The following DPY19L4 variants were observed in gnomAD, a reference collection of about 807,000 sequenced individuals.
The protein encoded by DPY19L4 is dpy-19 like 4.
A neutral mutation model predicts 102.8 loss-of-function variants in DPY19L4; 97 were observed. The ratio of observed to expected loss-of-function variants is 0.94; its 90% CI spans 0.80 to 1.12. The LOEUF (loss-of-function observed/expected upper bound fraction) is 1.12. Ranked by LOEUF, DPY19L4 falls within the 50% of genes most tolerant of loss-of-function variation. DPY19L4 has a pLI of 0.00. For synonymous variants in DPY19L4, 252 were observed against 283.1 expected, an observed-to-expected ratio of 0.89 and a Z score of 1.10; for missense variants, 815 against 850.4, an observed-to-expected ratio of 0.96 and a Z score of 0.52.
chr8:94,749,316 T>A (rs965813699), intron 6 of DPY19L4, among the ~76,000 whole-genome samples: 6 of 152,152 alleles, frequency 3.9e-5, no homozygotes, highest in Non-Finnish European at 7.4e-5. Context: ...CTTTAGAAGA[T>A]GTTGGGCACG....
intron 14 of DPY19L4, among the ~76,000 whole-genome samples, chr8:94,779,322 T>TA (rs1813327476): frequency 1.4e-5 from 2 of 143,324 alleles, no homozygotes. Flanking sequence ...TTCTTTTCTC[T>TA]TTTTTTTTTT....
At chr8:94,781,222 T>G in intron 16 of DPY19L4, 56 bp downstream of exon 16, 48 of 1,270,516 alleles carry the variant, frequency 3.8e-5, no homozygotes, top group Middle Eastern at 1.9e-4. Context: ...CACTGCATGC[T>G]ATCTAATGAA....
At position 94,791,102 on chromosome 8, in the gene DPY19L4, G is replaced by A. The variant is rs574897039; in HGVS notation, c.*1192G>A. The A allele has an allele frequency of 2.0e-5, 3 of 152,062 alleles. No individual in the cohort carries two copies. Among genetic ancestry groups the A allele is most frequent in the Non-Finnish European group, 4.4e-5 (3 of 67,948 alleles). 9.4% of individuals were successfully genotyped at this position (152,062 alleles called of 1,614,324 possible). On this transcript the variant is annotated 3_prime_UTR_variant, in exon 19 of 19. Transcript: ENST00000414645. ...TAGATGTGTCATTTTAATAAGTTGG[G>A]ATACATGTTTAGTTTTTCCTTATAT...
intron 3 of DPY19L4, 27 bp downstream of exon 3, chr8:94,734,781 GAA>G (rs759411646): frequency 6.2e-7 from 1 of 1,612,414 alleles, no homozygotes; most frequent in Admixed American, 1.7e-5. Context: ...TTGAGCATAT[GAA>G]AGTTATTTTC....
At chr8:94,786,951 C>T (rs1267458627) in intron 17 of DPY19L4, among the ~76,000 whole-genome samples, 1 of 152,046 alleles carries the variant, frequency 6.6e-6, no homozygotes, top group Non-Finnish European at 1.5e-5. Flanking sequence ...AATTGTTCCC[C>T]GAGGGGACAT....
chr8:94,788,438 T>C (rs1813749993), intron 18 of DPY19L4, among the ~76,000 whole-genome samples: 1 of 152,192 alleles, frequency 6.6e-6, no homozygotes, highest in South Asian at 2.1e-4. Flanking sequence ...TGTTGAGAAA[T>C]TTCTTGTAAT....
At chr8:94,739,937 C>T in intron 6 of DPY19L4, 147 bp downstream of exon 6, 1 of 1,077,272 alleles carries the variant, frequency 9.3e-7, no homozygotes. Context: ...GATTATGATA[C>T]TTTGTATAGC....
chr8:94,734,655 G>A lies in DPY19L4; in HGVS notation c.153G>A (p.Lys51=), dbSNP rs113391412. The change falls in exon 3 of 19, where the codon AAG becomes AAA. Residue 51 remains lysine (K), a synonymous_variant. Coordinates refer to ENST00000414645, the MANE Select transcript of DPY19L4 (RefSeq NM_181787.3). ...ATGTATTATTTCAACGCTTTGCAAA[G>A]ATTTTCATTGGCTGTCTTGCAGCGG... The part of the protein sequence containing the change: ...PKHVLFQRFA[K]IFIGCLAAVT... 2,465 of 1,613,852 alleles carry A rather than the reference G, an allele frequency of 1.5e-3. 34 individuals carry two copies. The African/African-American group carries it at 0.03, about 20-fold the overall frequency.
chr8:94,787,159 A>G (rs1813691766), intron 17 of DPY19L4, among the ~76,000 whole-genome samples: 2 of 152,202 alleles, frequency 1.3e-5, no homozygotes, highest in Non-Finnish European at 2.9e-5. Flanking sequence ...GGCTATCAGT[A>G]ATGTTGTTAC....
intron 13 of DPY19L4, among the ~76,000 whole-genome samples, chr8:94,771,933 C>T (rs1454954358): frequency 3.9e-5 from 6 of 152,074 alleles, no homozygotes; most frequent in Admixed American, 3.9e-4. Flanking sequence ...TTATATTTCA[C>T]TTGCTTGATC....
chr8:94,780,938 A>T (rs1813398039), intron 15 of DPY19L4, 146 bp from the exon 16 acceptor site: 1 of 585,184 alleles, frequency 1.7e-6, no homozygotes, highest in African/African-American at 2.0e-5. Flanking sequence ...ATCCATCATG[A>T]CATTTTTTCC....
chr8:94,745,735 T>G (rs1213279763), intron 6 of DPY19L4, among the ~76,000 whole-genome samples: 1 of 152,174 alleles, frequency 6.6e-6, no homozygotes, highest in East Asian at 1.9e-4. Flanking sequence ...CTTGGATTTA[T>G]GTATTGTAGC....
At chr8:94,748,620 CAAT>C (rs575972889) in intron 6 of DPY19L4, among the ~76,000 whole-genome samples, 196 of 151,838 alleles carry the variant, frequency 1.3e-3, no homozygotes, top group African/African-American at 4.1e-3. Context: ...GCAGCAGTGA[CAAT>C]GATGATGATG....
intron 6 of DPY19L4, among the ~76,000 whole-genome samples, chr8:94,743,066 C>T (rs935682936): frequency 6.6e-5 from 10 of 150,914 alleles, no homozygotes; most frequent in Non-Finnish European, 1.2e-4. Flanking sequence ...TTGCTCTTGT[C>T]GCCCAGGCTA....
At position 94,751,319 on chromosome 8, in the gene DPY19L4, T is replaced by A. The variant is rs146066496; in HGVS notation, c.612-4717T>A. 4.6e-5 allele frequency among the ~76,000 whole-genome samples: 7 copies of A among 150,978 alleles called. No homozygotes were observed. In the East Asian group the frequency reaches 1.4e-3, roughly 30 times the overall value. On this transcript the variant is annotated intron_variant, in intron 6 of 18. Transcript: ENST00000414645. Reference sequence around the variant, plus strand: ...ATTTTTGGTAGAGACGGGGTTACACTATGTTGGCCAGGATGGTCTCGATCT... The same window carrying A: ...ATTTTTGGTAGAGACGGGGTTACACAATGTTGGCCAGGATGGTCTCGATCT...
chr8:94,781,246 ATAAAT>A, intron 16 of DPY19L4, 80 bp downstream of exon 16: 1 of 1,209,108 alleles, frequency 8.3e-7, no homozygotes, highest in Non-Finnish European at 1.1e-6. Context: ...ACAGGAAATA[ATAAAT>A]TAATACTTCT....
intron 2 of DPY19L4, among the ~76,000 whole-genome samples, chr8:94,731,050 T>C (rs1810930245): frequency 9.4e-6 from 1 of 106,850 alleles, no homozygotes; most frequent in Admixed American, 9.4e-5. Context: ...CGGCCAACTC[T>C]GTCTCAAAAA....
Position 94,739,684 on chromosome 8 carries a change from T to C in DPY19L4, c.505T>C (p.Phe169Leu). 6.2e-7 allele frequency: 1 copy of C among 1,614,186 alleles called. No individual in the cohort carries two copies. The highest frequency in any genetic ancestry group is 1.1e-5 in the South Asian group (1 of 91,086). The change falls in exon 6 of 19, where the codon TTT (phenylalanine) becomes CTT (leucine). Residue 169 changes from phenylalanine to leucine, a missense_variant. Phe to Leu is a conservative substitution (Grantham distance 22). Coordinates refer to ENST00000414645, the MANE Select transcript of DPY19L4 (RefSeq NM_181787.3). Reference protein sequence around the residue: ...EPVYFYIGIVFGLQGIYVTAL... With the variant: ...EPVYFYIGIVLGLQGIYVTAL... Reference sequence around the variant, plus strand: ...AGTGTATTTCTATATTGGCATTGTTTTTGGATTGCAAGGAATATATGTTAC... The same window carrying C: ...AGTGTATTTCTATATTGGCATTGTTCTTGGATTGCAAGGAATATATGTTAC...
At chr8:94,758,550 C>T (rs1413955262) in intron 7 of DPY19L4, among the ~76,000 whole-genome samples, 1 of 152,164 alleles carries the variant, frequency 6.6e-6, no homozygotes, top group Non-Finnish European at 1.5e-5. Flanking sequence ...CTGGCAACCA[C>T]TGATCTATTC....
Sources: gnomAD v4.1 joint callset for allele counts (sites outside exome capture counted in the v4.1 genomes callset) on GRCh38, gnomAD v4.1.1 for gene constraint, MANE v1.5 for transcripts, NCBI Gene and HGNC (gene_info 2026-07-23, HGNC 2026-07-21) for gene names.